ZNF385D: variants seen among roughly 807,000 people sequenced by gnomAD.
The protein encoded by ZNF385D is zinc finger protein 659.
ZNF385D carries 15 observed loss-of-function variants against 35.8 expected under a neutral mutation model. The ratio of observed to expected loss-of-function variants is 0.42; its 90% CI spans 0.28 to 0.64. The LOEUF (loss-of-function observed/expected upper bound fraction) is 0.64. ZNF385D is among the 30% of genes least tolerant of loss of function. ZNF385D has a pLI of 0.23. For missense variants in ZNF385D, 474 were observed against 494.6 expected (o/e 0.96, Z 0.39); for synonymous variants, 212 against 186.8 (o/e 1.13, Z -1.10).
chr3:21,925,059 T>C (rs1700657442), intron 3 of ZNF385D, among the ~76,000 whole-genome samples: 1 of 152,108 alleles, frequency 6.6e-6, no homozygotes, highest in African/African-American at 2.4e-5. Flanking sequence ...AAGAACACAG[T>C]AAGGATGCCA....
At chr3:22,066,887 C>T (rs955788738) in intron 3 of ZNF385D, among the ~76,000 whole-genome samples, 25 of 152,160 alleles carry the variant, frequency 1.6e-4, no homozygotes, top group African/African-American at 5.3e-4. Context: ...TTTACCTACG[C>T]TGAATGCTTC....
intron 2 of ZNF385D, among the ~76,000 whole-genome samples, chr3:21,574,012 A>T (rs1248576507): frequency 2.0e-5 from 3 of 148,060 alleles, no homozygotes; most frequent in Non-Finnish European, 3.0e-5. Flanking sequence ...GTGAGCTGAG[A>T]TGACGCCACT....
At chr3:21,584,013 G>A (rs538971549) in intron 2 of ZNF385D, among the ~76,000 whole-genome samples, 3 of 146,694 alleles carry the variant, frequency 2.0e-5, no homozygotes, top group East Asian at 2.0e-4. Flanking sequence ...TTTGCCTGTC[G>A]CCCAGGCTGG....
intron 2 of ZNF385D, among the ~76,000 whole-genome samples, chr3:22,261,211 G>C (rs1700612062): frequency 6.6e-6 from 1 of 151,828 alleles, no homozygotes; most frequent in South Asian, 2.1e-4. Flanking sequence ...CAAAGTTAAG[G>C]GGTGAGACCA....
intron 3 of ZNF385D, among the ~76,000 whole-genome samples, chr3:22,116,663 T>C (rs907765466): frequency 1.8e-4 from 28 of 151,588 alleles, no homozygotes; most frequent in African/African-American, 6.8e-4. Context: ...CCATCACACA[T>C]AGTTGATTTG....
Position 21,470,322 on chromosome 3 carries a change from C to G in ZNF385D, c.440-33119G>C, listed in dbSNP as rs575617245. 9.9e-5 allele frequency among the ~76,000 whole-genome samples: 15 copies of G among 152,160 alleles called. No homozygotes were observed. The East Asian group carries it at 2.9e-3, about 29-fold the overall frequency. ...TAGCTTCAGGAAAGCAGGTAGCTGTCCTGCTTTAGAATTCTCAGCCCAAAT... is the reference window on the plus strand; with the variant it reads ...TAGCTTCAGGAAAGCAGGTAGCTGTGCTGCTTTAGAATTCTCAGCCCAAAT... On this transcript the variant is annotated intron_variant, in intron 4 of 7. Transcript: ENST00000281523.
intron 3 of ZNF385D, among the ~76,000 whole-genome samples, chr3:22,044,393 C>T (rs1025239304): frequency 1.3e-5 from 2 of 152,060 alleles, no homozygotes; most frequent in African/African-American, 4.8e-5. Context: ...TAGATCTGAG[C>T]ACCCTTTGGC....
At chr3:21,745,803 T>G (rs1224681573) in intron 1 of ZNF385D, among the ~76,000 whole-genome samples, 1 of 152,198 alleles carries the variant, frequency 6.6e-6, no homozygotes, top group Non-Finnish European at 1.5e-5. Flanking sequence ...TATACAAGCA[T>G]CATGCTTTCT....
intron 2 of ZNF385D, among the ~76,000 whole-genome samples, chr3:22,278,510 ATAAC>A (rs1181753888): frequency 6.6e-6 from 1 of 152,096 alleles, no homozygotes; most frequent in African/African-American, 2.4e-5. Context: ...TGACTTTCCG[ATAAC>A]TAAAGTATTG....
chr3:21,689,069 C>G (rs1973330), intron 1 of ZNF385D, among the ~76,000 whole-genome samples: 1 of 145,240 alleles, frequency 6.9e-6, no homozygotes, highest in Admixed American at 7.0e-5. Context: ...ATCTGAACAT[C>G]TAAAGATTTT....
At chr3:22,284,357 C>A (rs971342990) in intron 2 of ZNF385D, among the ~76,000 whole-genome samples, 6 of 151,498 alleles carry the variant, frequency 4.0e-5, no homozygotes, top group Admixed American at 6.6e-5. Context: ...CCCGGCTATT[C>A]TTTTTTTTAT....
At chr3:21,650,196 T>TA (rs980726699) in intron 2 of ZNF385D, among the ~76,000 whole-genome samples, 1 of 152,178 alleles carries the variant, frequency 6.6e-6, no homozygotes, top group Non-Finnish European at 1.5e-5. Flanking sequence ...ATATATGTAA[T>TA]AAAACATTTC....
intron 3 of ZNF385D, among the ~76,000 whole-genome samples, chr3:21,773,566 T>C (rs1009427337): frequency 6.6e-6 from 1 of 151,706 alleles, no homozygotes; most frequent in African/African-American, 2.4e-5. Flanking sequence ...CTTAAATGAA[T>C]TTACAAGAAA....
intron 4 of ZNF385D, among the ~76,000 whole-genome samples, chr3:21,466,256 G>A (rs1703508421): frequency 6.6e-6 from 1 of 152,024 alleles, no homozygotes; most frequent in South Asian, 2.1e-4. Flanking sequence ...AGGTCCTTAA[G>A]GGTTTGGTTC....
At chr3:21,430,084 G>A (rs968203450) in intron 5 of ZNF385D, among the ~76,000 whole-genome samples, 2 of 151,974 alleles carry the variant, frequency 1.3e-5, no homozygotes, top group Non-Finnish European at 2.9e-5. Context: ...TAAATATCAA[G>A]TTAACCTTTT....
chr3:21,801,004 A>G (rs973986474), intron 3 of ZNF385D, among the ~76,000 whole-genome samples: 1 of 152,112 alleles, frequency 6.6e-6, no homozygotes, highest in African/African-American at 2.4e-5. Flanking sequence ...GCCCTTTACC[A>G]TATTGAAAAA....
At chr3:22,356,781 TAG>T (rs1696171132) in intron 2 of ZNF385D, among the ~76,000 whole-genome samples, 1 of 150,448 alleles carries the variant, frequency 6.6e-6, no homozygotes, top group Non-Finnish European at 1.5e-5. Flanking sequence ...AGACAGATGA[TAG>T]AGTGATAGAA....
At chr3:21,477,597 T>C (rs2125365627) in intron 4 of ZNF385D, among the ~76,000 whole-genome samples, 1 of 152,304 alleles carries the variant, frequency 6.6e-6, no homozygotes, top group African/African-American at 2.4e-5. Flanking sequence ...TGTCAAGCTC[T>C]GCATTCTTAA....
At chr3:22,063,868 G>A (rs772072154) in intron 3 of ZNF385D, among the ~76,000 whole-genome samples, 2 of 152,184 alleles carry the variant, frequency 1.3e-5, no homozygotes, top group Non-Finnish European at 1.5e-5. Context: ...AGCTCCTTAC[G>A]GGCTGGCTGA....
Sources: gnomAD v4.1 joint callset for allele counts (sites outside exome capture counted in the v4.1 genomes callset) on GRCh38, gnomAD v4.1.1 for gene constraint, MANE v1.5 for transcripts, NCBI Gene and HGNC (gene_info 2026-07-23, HGNC 2026-07-21) for gene names.